The following SLC35D4 variants were observed in gnomAD, a reference collection of about 807,000 sequenced individuals.
SLC35D4 encodes solute carrier family 35 member D4, also known as UDP-N-acetylglucosamine transporter SLC35D4.
chr18:23,437,540 C>G, the SLC35D4 span, among the ~76,000 whole-genome samples: 8 of 152,102 alleles, frequency 5.3e-5, no homozygotes, highest in Non-Finnish European at 1.2e-4. Flanking sequence ...AATGGCCAGC[C>G]CAAAAATCCT....
the SLC35D4 span, among the ~76,000 whole-genome samples, chr18:23,242,511 G>A: frequency 3.3e-5 from 5 of 152,162 alleles, no homozygotes; most frequent in Admixed American, 2.6e-4. Context: ...TCATTAGAAC[G>A]TGGCAGCCCA....
chr18:23,434,970 C>T, the SLC35D4 span, among the ~76,000 whole-genome samples: 2 of 151,836 alleles, frequency 1.3e-5, no homozygotes, highest in African/African-American at 2.4e-5. Flanking sequence ...CCAGCCTGGC[C>T]AACATGACGA....
At chr18:23,302,954 G>A in the SLC35D4 span, among the ~76,000 whole-genome samples, 4 of 152,250 alleles carry the variant, frequency 2.6e-5, no homozygotes, top group South Asian at 4.1e-4. Context: ...TCAAAATGGT[G>A]ATGACTAACT....
the SLC35D4 span, chr18:23,260,412 T>C: frequency 6.6e-6 from 1 of 152,272 alleles, no homozygotes; most frequent in Non-Finnish European, 1.5e-5. Flanking sequence ...TTCCCCTCCA[T>C]GTCATTCCTT....
the SLC35D4 span, among the ~76,000 whole-genome samples, chr18:23,345,481 C>CAAAAAAAAAA: frequency 3.5e-5 from 2 of 57,272 alleles, no homozygotes; most frequent in Non-Finnish European, 3.1e-5. Context: ...GACTCCATCT[C>CAAAAAAAAAA]AAAAAAAAAA....
the SLC35D4 span, among the ~76,000 whole-genome samples, chr18:23,364,270 A>G: frequency 2.6e-5 from 4 of 152,176 alleles, no homozygotes; most frequent in South Asian, 2.1e-4. Flanking sequence ...GTAATGCTTT[A>G]TGCATAGCAA....
the SLC35D4 span, among the ~76,000 whole-genome samples, chr18:23,417,312 G>A: frequency 9.7e-4 from 148 of 152,064 alleles, no homozygotes; most frequent in South Asian, 2.7e-3. Context: ...AAAATGTGAT[G>A]AGTACATGTA....
the SLC35D4 span, among the ~76,000 whole-genome samples, chr18:23,394,418 A>G: frequency 2.0e-5 from 3 of 152,234 alleles, no homozygotes; most frequent in African/African-American, 7.2e-5. Context: ...CTTTTGTTCT[A>G]TTAAGTTTTA....
the SLC35D4 span, chr18:23,373,571 C>T: frequency 1.1e-6 from 1 of 893,476 alleles, no homozygotes; most frequent in Non-Finnish European, 1.7e-6. Context: ...CCAGAGCTAC[C>T]CAGCCTGCAA....
At chr18:23,421,418 A>G in the SLC35D4 span, 1 of 1,614,118 alleles carries the variant, frequency 6.2e-7, no homozygotes, top group Non-Finnish European at 8.5e-7. Context: ...CACATGAAGC[A>G]AAAGTCCACC....
At chr18:23,284,474 C>G in the SLC35D4 span, among the ~76,000 whole-genome samples, 1 of 152,178 alleles carries the variant, frequency 6.6e-6, no homozygotes, top group East Asian at 1.9e-4. Flanking sequence ...TTGAATCTAC[C>G]TATGACCTGT....
At chr18:23,368,691 T>C in the SLC35D4 span, 1 of 1,308,484 alleles carries the variant, frequency 7.6e-7, no homozygotes, top group Non-Finnish European at 1.1e-6. Flanking sequence ...GAATTGTTCT[T>C]TAAAAATGTA....
At chr18:23,412,107 G>A in the SLC35D4 span, among the ~76,000 whole-genome samples, 1 of 152,056 alleles carries the variant, frequency 6.6e-6, no homozygotes, top group African/African-American at 2.4e-5. Flanking sequence ...ATCACTTGAG[G>A]TCAGGAGTTC....
the SLC35D4 span, among the ~76,000 whole-genome samples, chr18:23,409,552 G>C: frequency 6.6e-6 from 1 of 152,102 alleles, no homozygotes; most frequent in Non-Finnish European, 1.5e-5. Flanking sequence ...AAAAATATTA[G>C]GAAAAAGGCT....
chr18:23,309,622 T>C, the SLC35D4 span: 2 of 1,490,714 alleles, frequency 1.3e-6, no homozygotes, highest in East Asian at 4.5e-5. Context: ...CAAAATTTAG[T>C]ATCCTGATGA....
At chr18:23,295,808 G>T in the SLC35D4 span, among the ~76,000 whole-genome samples, 2 of 152,142 alleles carry the variant, frequency 1.3e-5, no homozygotes, top group Non-Finnish European at 2.9e-5. Context: ...CATGGGCAGG[G>T]GGTCTCCATC....
At chr18:23,348,056 G>T in the SLC35D4 span, among the ~76,000 whole-genome samples, 1 of 152,098 alleles carries the variant, frequency 6.6e-6, no homozygotes, top group Non-Finnish European at 1.5e-5. Flanking sequence ...TCATTTGATT[G>T]AAAAATTTTA....
the SLC35D4 span, among the ~76,000 whole-genome samples, chr18:23,323,394 G>C: frequency 3.9e-5 from 6 of 152,262 alleles, no homozygotes; most frequent in South Asian, 1.2e-3. Flanking sequence ...TTGCCCATTA[G>C]GTAAAACCCT....
At chr18:23,249,263 C>T in the SLC35D4 span, among the ~76,000 whole-genome samples, 15 of 152,220 alleles carry the variant, frequency 9.9e-5, no homozygotes, top group Non-Finnish European at 1.5e-4. Context: ...GCTTTCCAGC[C>T]TCCGTAGCAC....
Sources: allele counts gnomAD v4.1 joint callset (sites outside exome capture counted in the v4.1 genomes callset), GRCh38; gene constraint gnomAD v4.1.1; transcripts MANE v1.5; gene names NCBI Gene and HGNC (gene_info 2026-07-23, HGNC 2026-07-21).